TAOK1: variants seen among roughly 807,000 people sequenced by gnomAD.
The protein encoded by TAOK1 is TAO kinase 1.
Under a neutral mutation model 138.3 loss-of-function variants are expected in TAOK1, and 21 were observed. The ratio of observed to expected loss-of-function variants is 0.15; its 90% CI spans 0.11 to 0.22. The LOEUF is 0.22. Ranked by LOEUF, TAOK1 falls within the 10% of genes least tolerant of loss-of-function variation. The pLI is 1.00. For synonymous variants in TAOK1, 361 were observed against 398.4 expected, an observed-to-expected ratio of 0.91 and a Z score of 1.12; for missense variants, 651 against 1,227.7, an observed-to-expected ratio of 0.53 and a Z score of 7.02.
At position 29,507,913 on chromosome 17, in the gene TAOK1, A is replaced by G. The variant is rs1253595516; in HGVS notation, c.1356A>G (p.Gln452=). 1.9e-6 allele frequency: 3 copies of G among 1,613,638 alleles called. No individual in the cohort carries two copies. The highest frequency in any genetic ancestry group is 1.7e-5 in the Admixed American group (1 of 59,940). The change falls in exon 14 of 20, where the codon CAA becomes CAG. Residue 452 remains glutamine, a synonymous_variant. Coordinates refer to ENST00000261716, the MANE Select transcript of TAOK1 (RefSeq NM_020791.4). The stretch of plus-strand genomic sequence containing the variant: ...ATGTCTAGGTTACGAGGCAAATGCA[A>G]GAACATGAGCAGGACTCTGAGCTTA... ...RTASLVTRQM[Q]EHEQDSELRE...
chr17:29,529,394 A>G (rs2032066140), intron 17 of TAOK1, among the ~76,000 whole-genome samples: 1 of 152,170 alleles, frequency 6.6e-6, no homozygotes, highest in African/African-American at 2.4e-5. Flanking sequence ...GTTTGGAACC[A>G]GCCTGGGCAA....
chr17:29,439,067 C>A (rs767567153), intron 1 of TAOK1, among the ~76,000 whole-genome samples: 2 of 152,012 alleles, frequency 1.3e-5, no homozygotes, highest in African/African-American at 2.4e-5. Context: ...CTAAATACTT[C>A]AGTATGTATT....
chr17:29,510,469 T>A (rs960457684), intron 14 of TAOK1, among the ~76,000 whole-genome samples: 1 of 152,226 alleles, frequency 6.6e-6, no homozygotes, highest in African/African-American at 2.4e-5. Flanking sequence ...TTATGTAAGA[T>A]GTTTCTTGTT....
chr17:29,482,597 G>A (rs540011611), intron 8 of TAOK1, among the ~76,000 whole-genome samples: 1 of 152,082 alleles, frequency 6.6e-6, no homozygotes, highest in South Asian at 2.1e-4. Context: ...ATGATTACCA[G>A]ATTTACCAGC....
chr17:29,499,931 T>C (rs1470292903), intron 12 of TAOK1, among the ~76,000 whole-genome samples: 2 of 152,144 alleles, frequency 1.3e-5, no homozygotes, highest in Non-Finnish European at 2.9e-5. Flanking sequence ...ATGTGGGTGT[T>C]TGCTGCATTA....
chr17:29,467,322 G>A (rs1333977329), intron 3 of TAOK1, 106 bp downstream of exon 3: 4 of 517,934 alleles, frequency 7.7e-6, no homozygotes, highest in Non-Finnish European at 9.0e-6. Context: ...AGCCCAGGCT[G>A]GAGTGTAGTG....
chr17:29,476,325 G>A (rs575471383), intron 4 of TAOK1, among the ~76,000 whole-genome samples: 6 of 152,182 alleles, frequency 3.9e-5, no homozygotes, highest in South Asian at 4.2e-4. Flanking sequence ...TTTAGTATAC[G>A]TACTGTAGAT....
intron 2 of TAOK1, among the ~76,000 whole-genome samples, chr17:29,465,127 A>ATT (rs2030628771): frequency 9.9e-6 from 1 of 100,822 alleles, no homozygotes; most frequent in African/African-American, 4.2e-5. Context: ...GGTCTTATTT[A>ATT]ATTTTTTTTT....
At chr17:29,467,241 T>G (rs775622005) in intron 3 of TAOK1, 25 bp downstream of exon 3, 52 of 1,446,356 alleles carry the variant, frequency 3.6e-5, no homozygotes, top group Non-Finnish European at 4.7e-5. Context: ...TACATTCTTG[T>G]TTTTTTCTTA....
At position 29,468,135 on chromosome 17, in the gene TAOK1, A is replaced by ATTTTTTTTTTTTTTTTTTT. The variant is rs761962930; in HGVS notation, c.204+936_204+937insTTTTTTTTTTTTTTTTTTT. 1.9e-3 allele frequency among the ~76,000 whole-genome samples: 143 copies of ATTTTTTTTTTTTTTTTTTT among 76,040 alleles called. 32 individuals carry two copies. Among genetic ancestry groups the ATTTTTTTTTTTTTTTTTTT allele is most frequent in the African/African-American group, 4.6e-3 (84 of 18,124 alleles). 49.9% of individuals were successfully genotyped at this position (76,040 alleles called of 152,430 possible). A position where few individuals can be genotyped will look rare whatever the true frequency, so the allele number is the denominator to read the frequency against. The stretch of plus-strand genomic sequence containing the variant: ...AACCACTGTGCTTGGCCTGCTTTCA[A>ATTTTTTTTTTTTTTTTTTT]TTTTTTTTTTTTTTTTTAGGAGCTG... On this transcript the variant is annotated intron_variant, in intron 3 of 19. Coordinates refer to ENST00000261716, the MANE Select transcript of TAOK1 (RefSeq NM_020791.4).
At chr17:29,392,370 C>T (rs1904462603) in intron 1 of TAOK1, among the ~76,000 whole-genome samples, 1 of 152,034 alleles carries the variant, frequency 6.6e-6, no homozygotes, top group Admixed American at 6.6e-5. Flanking sequence ...CTTTCTGCAG[C>T]TGTTTCTTTG....
intron 10 of TAOK1, among the ~76,000 whole-genome samples, chr17:29,492,727 G>A (rs1313967641): frequency 6.6e-6 from 1 of 152,212 alleles, no homozygotes; most frequent in African/African-American, 2.4e-5. Flanking sequence ...GGGAGGCGGA[G>A]GTAGTGGTGA....
At chr17:29,510,392 A>T (rs543841083) in intron 14 of TAOK1, among the ~76,000 whole-genome samples, 8 of 152,324 alleles carry the variant, frequency 5.3e-5, no homozygotes, top group African/African-American at 9.6e-5. Flanking sequence ...TAATAATTTT[A>T]AAAAAAGAAA....
chr17:29,536,888 G>C (rs2032232922), intron 19 of TAOK1, among the ~76,000 whole-genome samples: 1 of 151,852 alleles, frequency 6.6e-6, no homozygotes, highest in Non-Finnish European at 1.5e-5. Flanking sequence ...TTTCAGTAGA[G>C]ACAGGGTTTC....
chr17:29,526,484 C>T (rs933483693), intron 17 of TAOK1, among the ~76,000 whole-genome samples: 1 of 152,024 alleles, frequency 6.6e-6, no homozygotes, highest in Non-Finnish European at 1.5e-5. Flanking sequence ...GGCGCAATCT[C>T]GGCTCACTGC....
chr17:29,524,618 G>C (rs989566378), intron 17 of TAOK1, among the ~76,000 whole-genome samples: 1 of 152,142 alleles, frequency 6.6e-6, no homozygotes, highest in African/African-American at 2.4e-5. Context: ...TCATATTTAG[G>C]TGTATCTATT....
At chr17:29,463,002 T>A (rs745878725) in intron 2 of TAOK1, among the ~76,000 whole-genome samples, 3 of 152,216 alleles carry the variant, frequency 2.0e-5, no homozygotes, top group Non-Finnish European at 4.4e-5. Flanking sequence ...TGTTTTATTA[T>A]GTAAACAAAC....
chr17:29,480,516 A>C (rs765779366), intron 7 of TAOK1, 35 bp downstream of exon 7: 20 of 1,537,600 alleles, frequency 1.3e-5, no homozygotes, highest in Non-Finnish European at 1.7e-5. Context: ...AGCTGTTTTA[A>C]GTGTCTGTCT....
chr17:29,440,007 C>G (rs1228869711), intron 1 of TAOK1, among the ~76,000 whole-genome samples: 1 of 151,930 alleles, frequency 6.6e-6, no homozygotes, highest in Non-Finnish European at 1.5e-5. Context: ...AGAATGTCTT[C>G]CAGTGTATGC....
Sources: gnomAD v4.1 joint callset for allele counts (sites outside exome capture counted in the v4.1 genomes callset) on GRCh38, gnomAD v4.1.1 for gene constraint, MANE v1.5 for transcripts, NCBI Gene and HGNC (gene_info 2026-07-23, HGNC 2026-07-21) for gene names.